NFU1: variants seen among roughly 807,000 people sequenced by gnomAD.
The protein encoded by NFU1 is NFU1 iron-sulfur cluster scaffold homolog, mitochondrial.
In NFU1, 30 loss-of-function variants were observed where a neutral mutation model predicts 32.2. The ratio of observed to expected loss-of-function variants is 0.93; its 90% CI spans 0.70 to 1.26. The LOEUF is 1.26. NFU1 is among the 50% of genes most tolerant of loss of function. The pLI is 0.00. For synonymous variants in NFU1, 112 were observed against 104.6 expected (o/e 1.07, Z -0.43); for missense variants, 306 against 306.6 (o/e 1.00, Z 0.02).
chr2:69,422,571 A>C (rs1190113788), intron 3 of NFU1, among the ~76,000 whole-genome samples: 1 of 151,926 alleles, frequency 6.6e-6, no homozygotes, highest in Non-Finnish European at 1.5e-5. Flanking sequence ...AGATTTTTTA[A>C]GATCTGAAAT....
At chr2:69,403,530 G>A (rs1475268308) in intron 6 of NFU1, among the ~76,000 whole-genome samples, 1 of 151,856 alleles carries the variant, frequency 6.6e-6, no homozygotes, top group Non-Finnish European at 1.5e-5. Flanking sequence ...GACTACAGGT[G>A]CACACCACCA....
intron 3 of NFU1, 85 bp downstream of exon 3, chr2:69,423,497 C>A: frequency 3.3e-6 from 4 of 1,225,776 alleles, no homozygotes; most frequent in East Asian, 2.4e-5. Flanking sequence ...CATAGAAATG[C>A]AATAGTTAAA....
intron 3 of NFU1, among the ~76,000 whole-genome samples, chr2:69,422,742 C>T (rs902018636): frequency 2.2e-4 from 33 of 152,044 alleles, no homozygotes; most frequent in Non-Finnish European, 1.0e-4. Flanking sequence ...GGGTCTCACT[C>T]GCTCGCCTAG....
At chr2:69,420,438 A>T (rs1673199475) in intron 3 of NFU1, among the ~76,000 whole-genome samples, 1 of 152,234 alleles carries the variant, frequency 6.6e-6, no homozygotes, top group South Asian at 2.1e-4. Context: ...ATATGAACTC[A>T]TTCTTGATGT....
chr2:69,439,228 A>C (rs1033987151), upstream of NFU1, among the ~76,000 whole-genome samples: 2 of 152,104 alleles, frequency 1.3e-5, no homozygotes, highest in Non-Finnish European at 2.9e-5. Context: ...GCTCTAGTCA[A>C]ACCACCCACA....
At chr2:69,419,026 A>G (rs1673150460) in intron 4 of NFU1, among the ~76,000 whole-genome samples, 1 of 151,792 alleles carries the variant, frequency 6.6e-6, no homozygotes, top group Non-Finnish European at 1.5e-5. Context: ...AAAACATAGC[A>G]TATTTTTTAT....
At chr2:69,424,170 C>CAAAAAAAA (rs57078704) in intron 2 of NFU1, among the ~76,000 whole-genome samples, 1 of 42,936 alleles carries the variant, frequency 2.3e-5, no homozygotes. Context: ...GACTCTGTCT[C>CAAAAAAAA]AAAAAAAAAA....
At chr2:69,413,150 T>C (rs1672941865) in intron 5 of NFU1, among the ~76,000 whole-genome samples, 1 of 151,758 alleles carries the variant, frequency 6.6e-6, no homozygotes, top group Non-Finnish European at 1.5e-5. Context: ...TTGGGCATGG[T>C]GGCAGGCACC....
At chr2:69,433,348 T>C (rs1480980069) in intron 1 of NFU1, among the ~76,000 whole-genome samples, 2 of 151,424 alleles carry the variant, frequency 1.3e-5, no homozygotes, top group African/African-American at 4.9e-5. Flanking sequence ...CTGGCTAATT[T>C]TTGTACTTTT....
chr2:69,438,029 G>A (rs149208208), upstream of NFU1, among the ~76,000 whole-genome samples: 1,976 of 152,254 alleles, frequency 0.013, 29 homozygotes, highest in African/African-American at 0.029. Flanking sequence ...CTAGTTTCCA[G>A]GGCAGAGTGC....
At chr2:69,433,181 T>C (rs1258024466) in intron 1 of NFU1, among the ~76,000 whole-genome samples, 2 of 147,398 alleles carry the variant, frequency 1.4e-5, no homozygotes, top group Non-Finnish European at 3.0e-5. Context: ...TATACGACTG[T>C]CCTTTTTGTT....
At chr2:69,402,053 CCAG>C (rs1672539653) in intron 6 of NFU1, among the ~76,000 whole-genome samples, 1 of 152,030 alleles carries the variant, frequency 6.6e-6, no homozygotes, top group Non-Finnish European at 1.5e-5. Context: ...ACCAATACCC[CCAG>C]CTAATTTTTT....
chr2:69,426,169 A>G lies in NFU1; in HGVS notation c.167-2452T>C, dbSNP rs1673447635. On this transcript the variant is annotated intron_variant, in intron 2 of 7. Coordinates refer to ENST00000410022, the MANE Select transcript of NFU1 (RefSeq NM_001002755.4). The stretch of plus-strand genomic sequence containing the variant: ...TGATTTTTTGTAGAGAAGGGGTTTC[A>G]TCATGTTGGCCAGGCTGGTCTTGAA... Among the ~76,000 whole-genome samples, 3 of 152,110 alleles carry G rather than the reference A, an allele frequency of 2.0e-5. No homozygotes were observed. In the South Asian group the frequency reaches 6.2e-4, roughly 32 times the overall value.
intron 2 of NFU1, among the ~76,000 whole-genome samples, chr2:69,425,002 G>A (rs1345982031): frequency 1.3e-5 from 2 of 149,754 alleles, no homozygotes; most frequent in Non-Finnish European, 3.0e-5. Flanking sequence ...TCAGCCTCCC[G>A]AGTAGCTAGG....
chr2:69,437,669 C>T (rs926795972), upstream of NFU1: 1 of 602,682 alleles, frequency 1.7e-6, no homozygotes, highest in Non-Finnish European at 3.0e-6. Flanking sequence ...GCACTGTGAA[C>T]GCATGCGTGT....
intron 2 of NFU1, among the ~76,000 whole-genome samples, chr2:69,425,012 G>T (rs1421837110): frequency 1.3e-5 from 2 of 151,736 alleles, no homozygotes; most frequent in Non-Finnish European, 2.9e-5. Flanking sequence ...GAGTAGCTAG[G>T]ACTACAGGCA....
chr2:69,398,791 G>A (rs185262348), intron 7 of NFU1, among the ~76,000 whole-genome samples: 1 of 152,242 alleles, frequency 6.6e-6, no homozygotes, highest in Non-Finnish European at 1.5e-5. Flanking sequence ...GCCAGCCTCT[G>A]TCTTCAGCCT....
intron 5 of NFU1, among the ~76,000 whole-genome samples, chr2:69,408,012 C>CAA (rs199682373): frequency 1.6e-5 from 2 of 124,546 alleles, no homozygotes; most frequent in East Asian, 2.4e-4. Flanking sequence ...GACCCCACCT[C>CAA]AAAAAAAAAA....
chr2:69,418,412 G>A (rs998545657), intron 4 of NFU1, among the ~76,000 whole-genome samples: 15 of 152,016 alleles, frequency 9.9e-5, no homozygotes, highest in South Asian at 2.1e-4. Flanking sequence ...ATAAATAGCC[G>A]CAAGAGAATA....
Sources: allele counts gnomAD v4.1 joint callset (sites outside exome capture counted in the v4.1 genomes callset), GRCh38; gene constraint gnomAD v4.1.1; transcripts MANE v1.5; gene names NCBI Gene and HGNC (gene_info 2026-07-23, HGNC 2026-07-21).